The following FRAS1 variants were observed in gnomAD, a reference collection of about 807,000 sequenced individuals.
FRAS1 encodes the protein Fraser extracellular matrix complex subunit 1.
FRAS1 carries 290 observed loss-of-function variants against 435.2 expected under a neutral mutation model. That is an observed-to-expected ratio of 0.67 (90% confidence interval 0.61 to 0.73). FRAS1 has a LOEUF of 0.73. Ranked by LOEUF, FRAS1 falls within the 30% of genes least tolerant of loss-of-function variation. The pLI is 0.00. For synonymous variants in FRAS1, 1,800 were observed against 1,851.0 expected (o/e 0.97, Z 0.71); for missense variants, 4,860 against 5,001.5 (o/e 0.97, Z 0.85).
chr4:78,129,765 G>T (rs1719591583), intron 2 of FRAS1, among the ~76,000 whole-genome samples: 1 of 152,094 alleles, frequency 6.6e-6, no homozygotes, highest in Non-Finnish European at 1.5e-5. Context: ...AACTCTCAGT[G>T]GTCCCTCATT....
At chr4:78,514,031 A>G (rs1721128507) in intron 65 of FRAS1, among the ~76,000 whole-genome samples, 1 of 152,206 alleles carries the variant, frequency 6.6e-6, no homozygotes, top group Non-Finnish European at 1.5e-5. Flanking sequence ...TGGGGTTACA[A>G]GATGTTTATT....
intron 9 of FRAS1, among the ~76,000 whole-genome samples, chr4:78,273,119 G>C (rs1041135603): frequency 9.2e-5 from 14 of 152,140 alleles, no homozygotes; most frequent in Non-Finnish European, 8.8e-5. Context: ...CTGTTTATCT[G>C]TTATTGGTGT....
chr4:78,105,624 G>T (rs554850644), intron 2 of FRAS1, among the ~76,000 whole-genome samples: 2 of 152,238 alleles, frequency 1.3e-5, no homozygotes, highest in African/African-American at 4.8e-5. Context: ...CATCGTTTTT[G>T]AACATATTAG....
chr4:78,172,827 T>C (rs1721615203), intron 2 of FRAS1, among the ~76,000 whole-genome samples: 1 of 152,056 alleles, frequency 6.6e-6, no homozygotes, highest in Non-Finnish European at 1.5e-5. Context: ...GAGTCTTTTG[T>C]GGAGTTCTTG....
At chr4:78,191,574 G>A (rs1270221278) in intron 2 of FRAS1, among the ~76,000 whole-genome samples, 1 of 147,632 alleles carries the variant, frequency 6.8e-6, no homozygotes, top group East Asian at 2.0e-4. Context: ...AAGTTTTAGG[G>A]TTCGTGTGCA....
chr4:78,243,405 A>G (rs144148721), intron 3 of FRAS1, among the ~76,000 whole-genome samples: 5 of 152,050 alleles, frequency 3.3e-5, no homozygotes, highest in Non-Finnish European at 5.9e-5. Flanking sequence ...TGCCCCTGCA[A>G]CCACTTTCTA....
chr4:78,302,601 G>A (rs1578238283), intron 14 of FRAS1, among the ~76,000 whole-genome samples: 3 of 151,996 alleles, frequency 2.0e-5, no homozygotes, highest in Middle Eastern at 3.2e-3. Flanking sequence ...TTCTCTGATG[G>A]CCAGTGATGA....
At chr4:78,500,039 A>G in intron 61 of FRAS1, 118 bp downstream of exon 61, 2 of 698,596 alleles carry the variant, frequency 2.9e-6, no homozygotes, top group Non-Finnish European at 4.4e-6. Context: ...CCAATAGCTA[A>G]AGCATTTTTA....
intron 2 of FRAS1, among the ~76,000 whole-genome samples, chr4:78,080,206 C>T (rs1740831904): frequency 1.3e-5 from 2 of 152,220 alleles, no homozygotes; most frequent in South Asian, 4.1e-4. Flanking sequence ...AAAATGGATA[C>T]CACTGTGCCT....
intron 1 of FRAS1, among the ~76,000 whole-genome samples, chr4:78,064,732 C>A (rs183701168): frequency 1.3e-5 from 2 of 151,766 alleles, no homozygotes; most frequent in Admixed American, 1.3e-4. Context: ...GTTCTTAATT[C>A]CATTACTGGA....
intron 20 of FRAS1, among the ~76,000 whole-genome samples, chr4:78,342,390 A>G (rs1422001853): frequency 1.3e-5 from 2 of 152,188 alleles, no homozygotes; most frequent in African/African-American, 4.8e-5. Flanking sequence ...TCTTCCTCCA[A>G]GTCTATCAAA....
intron 47 of FRAS1, among the ~76,000 whole-genome samples, chr4:78,461,352 G>A (rs745690243): frequency 2.8e-4 from 43 of 152,154 alleles, no homozygotes; most frequent in Middle Eastern, 3.2e-3. Context: ...GCTCCTAGCA[G>A]GCATAAACTT....
chr4:78,308,375 CA>C (rs1455235726), intron 15 of FRAS1, among the ~76,000 whole-genome samples, 166 bp downstream of exon 15: 1 of 152,230 alleles, frequency 6.6e-6, no homozygotes, highest in African/African-American at 2.4e-5. Flanking sequence ...CACTTTCCAT[CA>C]GTGGTATTCC....
intron 2 of FRAS1, chr4:78,068,411 G>T (rs981413710): frequency 9.5e-6 from 4 of 419,666 alleles, no homozygotes; most frequent in African/African-American, 2.0e-5. Context: ...TCCAGAGATA[G>T]GGAGCAGAAA....
intron 69 of FRAS1, among the ~76,000 whole-genome samples, chr4:78,523,196 T>C (rs1721440771): frequency 6.6e-6 from 1 of 152,212 alleles, no homozygotes; most frequent in African/African-American, 2.4e-5. Context: ...CTTACACTTA[T>C]TGCAAGGGTG....
At chr4:78,369,744 G>A in intron 22 of FRAS1, 94 bp from the exon 23 acceptor site, 1 of 1,173,026 alleles carries the variant, frequency 8.5e-7, no homozygotes, top group East Asian at 2.6e-5. Flanking sequence ...TTGGAACAAG[G>A]CTTTGTTCCT....
chr4:78,369,708 T>C (rs536744800), intron 22 of FRAS1, 130 bp from the exon 23 acceptor site: 1 of 634,286 alleles, frequency 1.6e-6, no homozygotes, highest in Non-Finnish European at 2.5e-6. Flanking sequence ...GGGAGGGCTA[T>C]GAGCCATAAT....
intron 9 of FRAS1, among the ~76,000 whole-genome samples, chr4:78,272,597 C>G (rs112797244): frequency 2.1e-4 from 32 of 152,162 alleles, no homozygotes; most frequent in African/African-American, 3.4e-4. Context: ...GTTTTTGTCA[C>G]GTTTGTCAAA....
chr4:78,451,984 T>C lies in FRAS1; in HGVS notation c.6583+93T>C, dbSNP rs889148028. ...TTGTTCACCTCGAGGCTCGAGTCCT[T>C]CCCTTTACCTAGCTGGTGTGGAAAC... is the stretch of plus-strand genomic sequence containing the variant. On this transcript the variant is annotated intron_variant, in intron 46 of 73. Coordinates refer to ENST00000512123, the MANE Select transcript of FRAS1 (RefSeq NM_025074.7). 5.2e-6 allele frequency: 7 copies of C among 1,357,128 alleles called. No individual in the cohort carries two copies. In the African/African-American group the frequency reaches 5.9e-5, roughly 11 times the overall value. 84.1% of individuals were successfully genotyped at this position (1,357,128 alleles called of 1,614,324 possible).
Sources: gnomAD v4.1 joint callset for allele counts (sites outside exome capture counted in the v4.1 genomes callset) on GRCh38, gnomAD v4.1.1 for gene constraint, MANE v1.5 for transcripts, NCBI Gene and HGNC (gene_info 2026-07-23, HGNC 2026-07-21) for gene names.